Variants in TOX observed in about 807,000 individuals in gnomAD.
The protein encoded by TOX is thymocyte selection associated high mobility group box.
In TOX, 11 loss-of-function variants were observed where a neutral mutation model predicts 53.7. The observed-to-expected ratio is 0.20, with a 90% CI of 0.13 to 0.34. The LOEUF is 0.34. Among genes scored for constraint, TOX ranks in the 10% least tolerant of loss-of-function variants. TOX has a pLI of 1.00. For synonymous variants in TOX, 225 were observed against 245.3 expected (o/e 0.92, Z 0.77); for missense variants, 570 against 664.6 (o/e 0.86, Z 1.56).
At chr8:58,985,513 T>C (rs1163918238) in intron 1 of TOX, among the ~76,000 whole-genome samples, 1 of 152,110 alleles carries the variant, frequency 6.6e-6, no homozygotes, top group Non-Finnish European at 1.5e-5. Context: ...GAAAAGGGAA[T>C]GGGGAGTCAT....
chr8:59,092,313 A>G (rs143441632), intron 1 of TOX, among the ~76,000 whole-genome samples: 3 of 111,406 alleles, frequency 2.7e-5, no homozygotes, highest in African/African-American at 1.2e-4. Context: ...TATATATTAT[A>G]TATACATATA....
chr8:58,829,414 C>T (rs945595594), intron 5 of TOX, among the ~76,000 whole-genome samples: 3 of 152,096 alleles, frequency 2.0e-5, no homozygotes, highest in Non-Finnish European at 2.9e-5. Flanking sequence ...GTGGGATCAT[C>T]GCATAAGTGC....
chr8:58,834,799 A>G (rs991929187), intron 5 of TOX, among the ~76,000 whole-genome samples: 6 of 152,186 alleles, frequency 3.9e-5, no homozygotes, highest in Non-Finnish European at 8.8e-5. Flanking sequence ...ACAGGCCTGC[A>G]TCCAACGTGT....
intron 3 of TOX, among the ~76,000 whole-genome samples, chr8:58,855,286 C>A (rs1563370982): frequency 6.6e-6 from 1 of 152,068 alleles, no homozygotes; most frequent in Non-Finnish European, 1.5e-5. Context: ...CAATTCTGAC[C>A]CAAATTCCAA....
chr8:58,903,295 G>T (rs1233037622), intron 3 of TOX, among the ~76,000 whole-genome samples: 1 of 152,144 alleles, frequency 6.6e-6, no homozygotes, highest in Non-Finnish European at 1.5e-5. Flanking sequence ...TGTTGTTTTA[G>T]GTTGGTTGTT....
intron 1 of TOX, among the ~76,000 whole-genome samples, chr8:59,044,870 C>T (rs1194799885): frequency 6.6e-6 from 1 of 152,136 alleles, no homozygotes; most frequent in African/African-American, 2.4e-5. Context: ...AAAGGAAAAA[C>T]CAACAGATTA....
intron 1 of TOX, among the ~76,000 whole-genome samples, chr8:59,075,915 G>T (rs1476802930): frequency 6.6e-6 from 1 of 151,972 alleles, no homozygotes; most frequent in Non-Finnish European, 1.5e-5. Flanking sequence ...TGAGGCAGGG[G>T]AATCGCTTGA....
chr8:58,866,472 T>G (rs559480632), intron 3 of TOX, among the ~76,000 whole-genome samples: 1 of 152,232 alleles, frequency 6.6e-6, no homozygotes. Flanking sequence ...AAGTAACTGA[T>G]AGAAACAGCT....
At chr8:59,008,655 C>T (rs1250688268) in intron 1 of TOX, among the ~76,000 whole-genome samples, 1 of 152,192 alleles carries the variant, frequency 6.6e-6, no homozygotes, top group Non-Finnish European at 1.5e-5. Flanking sequence ...GTCATACGTC[C>T]TGCAGGGTTC....
chr8:58,989,093 T>C (rs1813390899), intron 1 of TOX, among the ~76,000 whole-genome samples: 1 of 152,164 alleles, frequency 6.6e-6, no homozygotes, highest in Admixed American at 6.5e-5. Flanking sequence ...GGCAGGTGGA[T>C]CACCTGAGGT....
chr8:58,962,993 C>T (rs1390610572), intron 1 of TOX, among the ~76,000 whole-genome samples: 1 of 152,134 alleles, frequency 6.6e-6, no homozygotes, highest in Non-Finnish European at 1.5e-5. Flanking sequence ...ATTGCTCTCC[C>T]CAAGGTGGGT....
intron 3 of TOX, among the ~76,000 whole-genome samples, chr8:58,921,481 A>T (rs1286791233): frequency 6.6e-6 from 1 of 152,212 alleles, no homozygotes; most frequent in South Asian, 2.1e-4. Flanking sequence ...ATTAGAATAC[A>T]TTTGGTGTTA....
chr8:58,956,625 AT>A (rs1307266108), intron 2 of TOX, among the ~76,000 whole-genome samples: 24 of 152,182 alleles, frequency 1.6e-4, no homozygotes, highest in Non-Finnish European at 3.1e-4. Context: ...ATTTTGAGAT[AT>A]AATCTTGCTC....
chr8:59,033,687 A>G (rs965950513), intron 1 of TOX, among the ~76,000 whole-genome samples: 4 of 152,338 alleles, frequency 2.6e-5, no homozygotes, highest in Admixed American at 6.5e-5. Flanking sequence ...AAGTGGTCTT[A>G]GTCGAATTGG....
At chr8:58,897,876 G>T (rs1225760758) in intron 3 of TOX, among the ~76,000 whole-genome samples, 1 of 151,890 alleles carries the variant, frequency 6.6e-6, no homozygotes, top group Non-Finnish European at 1.5e-5. Context: ...GCTAGTTCTT[G>T]ATTGTGTCTA....
At chr8:58,914,886 C>T (rs1290832573) in intron 3 of TOX, among the ~76,000 whole-genome samples, 12 of 151,996 alleles carry the variant, frequency 7.9e-5, no homozygotes, top group South Asian at 2.1e-4. Context: ...ATTGCCTCAC[C>T]TGGGAAGCGC....
intron 1 of TOX, among the ~76,000 whole-genome samples, chr8:59,098,380 T>C (rs932328304): frequency 4.6e-5 from 7 of 152,244 alleles, no homozygotes; most frequent in African/African-American, 1.2e-4. Flanking sequence ...ATTTTGTCTT[T>C]CATGCTATTC....
intron 3 of TOX, among the ~76,000 whole-genome samples, chr8:58,880,548 A>C (rs1811366699): frequency 6.6e-6 from 1 of 152,174 alleles, no homozygotes; most frequent in South Asian, 2.1e-4. Flanking sequence ...CTTAGGGGAT[A>C]CTGGATAGTT....
At chr8:59,113,801 G>A (rs577640014) in intron 1 of TOX, among the ~76,000 whole-genome samples, 38 of 152,296 alleles carry the variant, frequency 2.5e-4, no homozygotes, top group Non-Finnish European at 4.9e-4. Flanking sequence ...ACCTGCGACT[G>A]AGGGCTGGCT....
Sources: gnomAD v4.1 joint callset for allele counts (sites outside exome capture counted in the v4.1 genomes callset) on GRCh38, gnomAD v4.1.1 for gene constraint, MANE v1.5 for transcripts, NCBI Gene and HGNC (gene_info 2026-07-23, HGNC 2026-07-21) for gene names.